Variants in EXOG observed in about 807,000 individuals in gnomAD.
The protein encoded by EXOG is nuclease EXOG, mitochondrial.
A neutral mutation model predicts 25.8 loss-of-function variants in EXOG; 27 were observed. The ratio of observed to expected loss-of-function variants is 1.05; its 90% CI spans 0.77 to 1.45. The LOEUF (loss-of-function observed/expected upper bound fraction) is 1.45, where lower values mean the gene tolerates loss of function less well. Ranked by LOEUF, EXOG falls within the 40% of genes most tolerant of loss-of-function variation. EXOG has a pLI of 0.00. For missense variants in EXOG, 458 were observed against 450.5 expected (o/e 1.02, Z -0.15); for synonymous variants, 133 against 167.0 (o/e 0.80, Z 1.57).
intron 3 of EXOG, among the ~76,000 whole-genome samples, chr3:38,501,814 C>T (rs1320858637): frequency 1.3e-5 from 2 of 152,192 alleles, no homozygotes; most frequent in African/African-American, 2.4e-5. Flanking sequence ...GGCTTGATCT[C>T]GGCGCACTGC....
At position 38,501,522 on chromosome 3, in the gene EXOG, A is replaced by T. The variant is rs746463300; in HGVS notation, c.453+28A>T. ...AGGCATACTTTGGGGGAGGGATGGG[A>T]ATATGGGGCTGATGTTATGCATACA... On this transcript the variant is annotated intron_variant, in intron 3 of 5. Transcript: ENST00000287675. 34 of 1,608,398 alleles carry T rather than the reference A, an allele frequency of 2.1e-5. No homozygotes were observed. The Admixed American group carries it at 2.7e-4, about 13-fold the overall frequency.
intron 5 of EXOG, among the ~76,000 whole-genome samples, chr3:38,514,379 G>A (rs1051441559): frequency 6.6e-6 from 1 of 152,174 alleles, no homozygotes; most frequent in African/African-American, 2.4e-5. Context: ...CTTGGAAGTG[G>A]TCAGCACACT....
At chr3:38,509,114 A>G (rs542144145) in intron 5 of EXOG, among the ~76,000 whole-genome samples, 1 of 152,262 alleles carries the variant, frequency 6.6e-6, no homozygotes, top group East Asian at 1.9e-4. Flanking sequence ...AGCCCCCTGT[A>G]TTATTTTTCA....
intron 5 of EXOG, among the ~76,000 whole-genome samples, chr3:38,517,599 A>G (rs1305657226): frequency 6.6e-6 from 1 of 152,144 alleles, no homozygotes; most frequent in African/African-American, 2.4e-5. Flanking sequence ...AGCCTTTTGT[A>G]GTGGATGGAG....
At chr3:38,500,434 T>C (rs2060013456) in intron 2 of EXOG, among the ~76,000 whole-genome samples, 1 of 152,216 alleles carries the variant, frequency 6.6e-6, no homozygotes. Context: ...GTAATGACAC[T>C]TAGAAATTTA....
At chr3:38,513,197 C>A (rs1021776853) in intron 5 of EXOG, among the ~76,000 whole-genome samples, 5 of 152,178 alleles carry the variant, frequency 3.3e-5, no homozygotes, top group Admixed American at 3.3e-4. Flanking sequence ...GACTCCGTAA[C>A]AATTGGCATA....
rs1160762161 is a variant in EXOG, at chr3:38,516,274, T to A, written c.646-7627T>A. Among the ~76,000 whole-genome samples, 4 of 152,312 alleles carry A rather than the reference T, an allele frequency of 2.6e-5. No individual in the cohort carries two copies. In the East Asian group the frequency reaches 7.7e-4, roughly 29 times the overall value. On this transcript the variant is annotated intron_variant, in intron 5 of 5. Coordinates refer to ENST00000287675, the MANE Select transcript of EXOG (RefSeq NM_005107.4). The stretch of plus-strand genomic sequence containing the variant: ...AAACCCGTGTTCAATTTGCCTTTTT[T>A]AACTGGAAACCCTACTTTAATCTAT...
intron 5 of EXOG, chr3:38,523,293 C>A (rs1432170085): frequency 7.8e-7 from 1 of 1,287,168 alleles, no homozygotes; most frequent in African/African-American, 1.5e-5. Flanking sequence ...AGGACTCACT[C>A]ATGGCATTCC....
chr3:38,506,997 T>C, intron 5 of EXOG, 29 bp downstream of exon 5: 1 of 951,184 alleles, frequency 1.1e-6, no homozygotes, highest in Non-Finnish European at 1.7e-6. Context: ...CAGGTTTATG[T>C]TATCTGTATG....
Position 38,496,363 on chromosome 3 carries a change from G to C in EXOG, c.-5G>C. Reference sequence around the variant, plus strand: ...CCGTGGTAAAAGGCCGGTACCTCGGGCAAGATGGCTATCAAGAGTATCGCT... The same window carrying C: ...CCGTGGTAAAAGGCCGGTACCTCGGCCAAGATGGCTATCAAGAGTATCGCT... On this transcript the variant is annotated 5_prime_UTR_variant, in exon 1 of 6. Transcript: ENST00000287675. 1 of 1,612,098 alleles carries C rather than the reference G, an allele frequency of 6.2e-7. No individual in the cohort carries two copies. Among genetic ancestry groups the C allele is most frequent in the Non-Finnish European group, 8.5e-7 (1 of 1,178,992 alleles).
chr3:38,507,208 G>A lies in EXOG; in HGVS notation c.645+240G>A, dbSNP rs2125769098. 2.6e-5 allele frequency among the ~76,000 whole-genome samples: 4 copies of A among 152,346 alleles called. No individual in the cohort carries two copies. The Middle Eastern group carries it at 0.01, about 389-fold the overall frequency. ...TCACGGTTTAGAGTGGAAAACAGAT[G>A]TTAACAATTAATTACATTAAAGTGT... On this transcript the variant is annotated intron_variant, in intron 5 of 5. Coordinates refer to ENST00000287675, the MANE Select transcript of EXOG (RefSeq NM_005107.4).
chr3:38,525,552 C>A lies in EXOG; in HGVS notation c.*1190C>A. 1.0e-6 allele frequency: 1 copy of A among 985,126 alleles called. No homozygotes were observed. Among genetic ancestry groups the A allele is most frequent in the South Asian group, 4.7e-5 (1 of 21,266 alleles). 61.0% of individuals were successfully genotyped at this position (985,126 alleles called of 1,614,324 possible). A position where few individuals can be genotyped will look rare whatever the true frequency, so the allele number is the denominator to read the frequency against. ...TGGGGTTTATTAGAGCCCATGCTTG[C>A]CTCCAGAGATACAGTTCTTTTAGTG... On this transcript the variant is annotated 3_prime_UTR_variant, in exon 6 of 6. Transcript: ENST00000287675.
chr3:38,508,712 C>CG (rs2060276527), intron 5 of EXOG, among the ~76,000 whole-genome samples: 2 of 32,316 alleles, frequency 6.2e-5, no homozygotes, highest in Non-Finnish European at 1.1e-4. Context: ...TGAGGAACCA[C>CG]CCCCCCCCCA....
intron 1 of EXOG, 47 bp from the exon 2 acceptor site, chr3:38,497,582 G>GT (rs750967802): frequency 1.1e-4 from 165 of 1,486,862 alleles, no homozygotes; most frequent in Non-Finnish European, 1.2e-4. Flanking sequence ...GTGTGTGTGT[G>GT]TTTTTTTTGT....
chr3:38,504,577 A>G (rs930928477), intron 4 of EXOG, among the ~76,000 whole-genome samples: 4 of 152,008 alleles, frequency 2.6e-5, no homozygotes. Flanking sequence ...CTGGGATTAT[A>G]GGCACACGCC....
chr3:38,511,425 G>A (rs2125779189), intron 5 of EXOG, among the ~76,000 whole-genome samples: 1 of 152,212 alleles, frequency 6.6e-6, no homozygotes, highest in Middle Eastern at 3.4e-3. Flanking sequence ...AACAGAAAAG[G>A]AAACTTCATT....
rs2060857027 is a variant in EXOG, at chr3:38,525,874, G to C, written c.*1512G>C. The C allele has an allele frequency of 1.6e-6, 1 of 630,980 alleles. No homozygotes were observed. The allele number at this position is 630,980 out of a possible 1,614,324, so 39.1% of individuals were successfully genotyped here. A position where few individuals can be genotyped will look rare whatever the true frequency, so the allele number is the denominator to read the frequency against. ...TGGGAGGATTGCTTGAGCCTGGCAG[G>C]TCAAGGCTGCGATGGGACATGGTCA... On this transcript the variant is annotated 3_prime_UTR_variant, in exon 6 of 6. Coordinates refer to ENST00000287675, the MANE Select transcript of EXOG (RefSeq NM_005107.4).
intron 5 of EXOG, chr3:38,513,832 C>T (rs954789180): frequency 6.6e-6 from 1 of 152,154 alleles, no homozygotes; most frequent in Admixed American, 6.5e-5. Flanking sequence ...AAAAGAGTAC[C>T]CTCATGGAGC....
At position 38,501,382 on chromosome 3, in the gene EXOG, T is replaced by G; in HGVS notation, c.341T>G (p.Phe114Cys). ...MGDADRKHCK[F>C]KPDPNIPPTF... is the part of the protein sequence containing the mutation. Reference sequence around the variant, plus strand: ...GATGCAGACAGAAAGCATTGTAAATTTAAGCCTGATCCCAATATCCCTCCA... The same window carrying G: ...GATGCAGACAGAAAGCATTGTAAATGTAAGCCTGATCCCAATATCCCTCCA... The change falls in exon 3 of 6, where the codon TTT (phenylalanine) becomes TGT (cysteine). Residue 114 changes from phenylalanine to cysteine, a missense_variant. Phe to Cys is a radical substitution (Grantham distance 205). This residue lies in a region of EXOG where 275 missense variants were observed against 230.5 expected (regional missense o/e 1.19). Coordinates refer to ENST00000287675, the MANE Select transcript of EXOG (RefSeq NM_005107.4). The G allele has an allele frequency of 6.2e-7, 1 of 1,613,722 alleles. No homozygotes were observed. Among genetic ancestry groups the G allele is most frequent in the Non-Finnish European group, 8.5e-7 (1 of 1,179,618 alleles).
Sources: gnomAD v4.1 joint callset for allele counts (sites outside exome capture counted in the v4.1 genomes callset) on GRCh38, gnomAD v4.1.1 for gene constraint, gnomAD v4.1.1 regional missense constraint, MANE v1.5 for transcripts, NCBI Gene and HGNC (gene_info 2026-07-23, HGNC 2026-07-21) for gene names.